DNAJC13: variants seen among roughly 807,000 people sequenced by gnomAD.
DNAJC13 encodes DnaJ heat shock protein family (Hsp40) member C13.
Under a neutral mutation model 290.5 loss-of-function variants are expected in DNAJC13, and 75 were observed. That is an observed-to-expected ratio of 0.26 (90% CI 0.21 to 0.31). The LOEUF (loss-of-function observed/expected upper bound fraction) is 0.31. Among genes scored for constraint, DNAJC13 ranks in the 10% least tolerant of loss-of-function variants. The pLI, the probability that DNAJC13 is intolerant of heterozygous loss-of-function variation, is 1.00. For synonymous variants in DNAJC13, 862 were observed against 892.0 expected (o/e 0.97, Z 0.60); for missense variants, 2,260 against 2,674.5 (o/e 0.85, Z 3.42).
chr3:132,488,913 A>T, intron 30 of DNAJC13, 63 bp from the exon 31 acceptor site: 1 of 1,287,314 alleles, frequency 7.8e-7, no homozygotes, highest in East Asian at 2.3e-5. Flanking sequence ...GTCTTTAGAA[A>T]ACTAAGGTTA....
chr3:132,470,035 G>C (rs1259332336), intron 20 of DNAJC13, among the ~76,000 whole-genome samples: 12 of 103,158 alleles, frequency 1.2e-4, no homozygotes, highest in Non-Finnish European at 2.1e-4. Context: ...TTCTCACAGA[G>C]GGGGATTTGG....
chr3:132,465,530 C>A (rs1933949977), intron 17 of DNAJC13, among the ~76,000 whole-genome samples: 4 of 152,110 alleles, frequency 2.6e-5, no homozygotes, highest in Admixed American at 2.6e-4. Context: ...TGCCCAAACT[C>A]TAGAAGTGAA....
intron 45 of DNAJC13, among the ~76,000 whole-genome samples, chr3:132,513,567 A>G (rs1044883139): frequency 9.2e-5 from 14 of 152,140 alleles, no homozygotes; most frequent in African/African-American, 3.1e-4. Flanking sequence ...CTAGTACAAG[A>G]GCTACCTTTT....
chr3:132,471,381 C>T (rs1429351646), intron 20 of DNAJC13, among the ~76,000 whole-genome samples: 32 of 143,950 alleles, frequency 2.2e-4, no homozygotes, highest in African/African-American at 4.5e-4. Context: ...GGGTGGCTGC[C>T]GGGCGGAGAT....
At position 132,478,225 on chromosome 3, in the gene DNAJC13, T is replaced by G. The variant is rs992695489; in HGVS notation, c.2709+85T>G. 1.0e-5 allele frequency: 12 copies of G among 1,197,550 alleles called. No individual in the cohort carries two copies. The African/African-American group carries it at 1.7e-4, about 17-fold the overall frequency. 74.2% of individuals were successfully genotyped at this position (1,197,550 alleles called of 1,614,324 possible). ...TTTAAAAACTAAATTTAAATTCTGT[T>G]TGATCACATTATTACTGTAACTTTC... On this transcript the variant is annotated intron_variant, in intron 24 of 55. Transcript: ENST00000260818.
intron 21 of DNAJC13, among the ~76,000 whole-genome samples, chr3:132,473,539 T>C (rs974373876): frequency 6.6e-6 from 1 of 152,156 alleles, no homozygotes; most frequent in Non-Finnish European, 1.5e-5. Flanking sequence ...AATGGAGTCT[T>C]AAAAGAGGCA....
chr3:132,429,159 T>C (rs996007136), intron 1 of DNAJC13, among the ~76,000 whole-genome samples: 9 of 152,376 alleles, frequency 5.9e-5, no homozygotes, highest in African/African-American at 2.2e-4. Context: ...TGGTAATTTG[T>C]TTTACTGCTT....
Position 132,473,220 on chromosome 3 carries a change from T to C in DNAJC13, c.2284T>C (p.Tyr762His), listed in dbSNP as rs764145786. 3 of 1,595,206 alleles carry C rather than the reference T, an allele frequency of 1.9e-6. No individual in the cohort carries two copies. Among genetic ancestry groups the C allele is most frequent in the Non-Finnish European group, 2.6e-6 (3 of 1,167,528 alleles). ...AATAGAAGCAAATTGGGATCTCTTC[T>C]ATTATAGGTAAACTTTAGGTCTCTT... is the stretch of plus-strand genomic sequence containing the variant. ...IKIEANWDLF[Y>H]YRFGQDHARS... The change falls in exon 21 of 56, where the codon TAT becomes CAT. Residue 762 changes from tyrosine to histidine, a missense_variant. This residue lies in a region of DNAJC13 where 762 missense variants were observed against 964.1 expected (regional missense o/e 0.79). Transcript: ENST00000260818.
intron 53 of DNAJC13, among the ~76,000 whole-genome samples, chr3:132,527,958 C>T (rs1473133463): frequency 6.6e-6 from 1 of 152,086 alleles, no homozygotes; most frequent in African/African-American, 2.4e-5. Context: ...TACTGTTTTA[C>T]CCTCTGTGCA....
In DNAJC13 at chr3:132,526,159, G is replaced by T. The variant is rs375745713; in HGVS notation, c.6259G>T (p.Ala2087Ser). 3.1e-6 allele frequency: 5 copies of T among 1,613,996 alleles called. No homozygotes were observed. Among genetic ancestry groups the T allele is most frequent in the Non-Finnish European group, 4.2e-6 (5 of 1,179,948 alleles). Residue 2087 changes from alanine to serine, a missense_variant, in exon 53 of 56, where the codon GCA becomes TCA. This residue lies in a region of DNAJC13 where 1,494 missense variants were observed against 1,693.7 expected (regional missense o/e 0.88). Transcript: ENST00000260818. ...SENELCVRAM[A>S]SLETIGPLMN... Reference sequence around the variant, plus strand: ...CACTTAGCTGTGTGTTCGAGCCATGGCATCTTTAGAGACCATTGGCCCACT... The same window carrying T: ...CACTTAGCTGTGTGTTCGAGCCATGTCATCTTTAGAGACCATTGGCCCACT...
chr3:132,503,976 T>TTA (rs1491340275), intron 41 of DNAJC13, among the ~76,000 whole-genome samples: 2 of 134,402 alleles, frequency 1.5e-5, no homozygotes, highest in Admixed American at 7.1e-5. Flanking sequence ...TATCCTTTAA[T>TTA]TATAAAAAAA....
intron 22 of DNAJC13, among the ~76,000 whole-genome samples, chr3:132,477,192 G>A (rs1348318436): frequency 2.0e-5 from 3 of 152,022 alleles, no homozygotes; most frequent in East Asian, 1.9e-4. Flanking sequence ...TTTAGACTTC[G>A]GAAAAAGAAT....
intron 1 of DNAJC13, among the ~76,000 whole-genome samples, chr3:132,428,207 A>C (rs768166707): frequency 2.6e-5 from 4 of 152,044 alleles, no homozygotes; most frequent in Admixed American, 6.5e-5. Context: ...TAGTTGGTAC[A>C]TTTTCTGATC....
chr3:132,517,817 G>A (rs2369795), intron 48 of DNAJC13, among the ~76,000 whole-genome samples: 65,427 of 151,958 alleles, frequency 0.43, 15,608 homozygotes, highest in East Asian at 0.77. Flanking sequence ...AAACAAATTG[G>A]ATTCAGTTGT....
chr3:132,472,221 C>A (rs1934303708), intron 20 of DNAJC13, among the ~76,000 whole-genome samples: 1 of 152,050 alleles, frequency 6.6e-6, no homozygotes. Flanking sequence ...GAGAGGGAGA[C>A]CGTGGGGAGA....
At chr3:132,513,290 C>T (rs1373789063) in intron 45 of DNAJC13, among the ~76,000 whole-genome samples, 191 bp downstream of exon 45, 1 of 152,102 alleles carries the variant, frequency 6.6e-6, no homozygotes. Flanking sequence ...TGCACAATTG[C>T]ACAATGTCGT....
rs1302715563 is a variant in DNAJC13, at chr3:132,538,521, G to A, written c.*239G>A. ...AAGAATTTTTTTTTTCTTGGTGTAT[G>A]TAAGCACATTTGTTCCTTTATATCT... is the stretch of plus-strand genomic sequence containing the variant. On this transcript the variant is annotated 3_prime_UTR_variant, in exon 56 of 56. Transcript: ENST00000260818. 8.2e-6 allele frequency: 3 copies of A among 364,760 alleles called. No homozygotes were observed. The highest frequency in any genetic ancestry group is 2.1e-5 in the African/African-American group (1 of 47,288). The allele number at this position is 364,760 out of a possible 1,614,324, so 22.6% of individuals were successfully genotyped here.
chr3:132,434,858 A>C (rs1045725280), intron 2 of DNAJC13, among the ~76,000 whole-genome samples: 8 of 152,238 alleles, frequency 5.3e-5, no homozygotes, highest in African/African-American at 1.7e-4. Flanking sequence ...TTAAAAGGAA[A>C]GTAAACCAGT....
At chr3:132,537,321 C>T (rs1936625745) in intron 55 of DNAJC13, 1 of 440,570 alleles carries the variant, frequency 2.3e-6, no homozygotes, top group South Asian at 1.6e-5. Context: ...CTAGTCCTAA[C>T]CCTCAATGTT....
Sources: allele counts gnomAD v4.1 joint callset (sites outside exome capture counted in the v4.1 genomes callset), GRCh38; gene constraint gnomAD v4.1.1; regional missense constraint gnomAD v4.1.1; transcripts MANE v1.5; gene names NCBI Gene and HGNC (gene_info 2026-07-23, HGNC 2026-07-21).